The following ATP6V1H variants were observed in gnomAD, a reference collection of about 807,000 sequenced individuals.
The protein encoded by ATP6V1H is V-type proton ATPase subunit H.
Under a neutral mutation model 71.7 loss-of-function variants are expected in ATP6V1H, and 39 were observed. That is an observed-to-expected ratio of 0.54 (90% CI 0.42 to 0.71). ATP6V1H has a LOEUF of 0.71. Ranked by LOEUF, ATP6V1H falls within the 30% of genes least tolerant of loss-of-function variation. The pLI is 0.00. For missense variants in ATP6V1H, 509 were observed against 594.9 expected, an observed-to-expected ratio of 0.86 and a Z score of 1.50; for synonymous variants, 192 against 199.3, an observed-to-expected ratio of 0.96 and a Z score of 0.31.
chr8:53,810,728 A>T (rs954629755), intron 7 of ATP6V1H, among the ~76,000 whole-genome samples: 3 of 152,222 alleles, frequency 2.0e-5, no homozygotes, highest in African/African-American at 7.2e-5. Flanking sequence ...GGATAGAGCT[A>T]GACTGTGTCT....
intron 13 of ATP6V1H, among the ~76,000 whole-genome samples, chr8:53,722,921 G>GT (rs1806675963): frequency 6.6e-6 from 1 of 152,212 alleles, no homozygotes; most frequent in Non-Finnish European, 1.5e-5. Flanking sequence ...TAGAAGACTA[G>GT]TTCAATGTTT....
chr8:53,729,196 GT>G (rs113477767), intron 13 of ATP6V1H, among the ~76,000 whole-genome samples: 2 of 150,928 alleles, frequency 1.3e-5, no homozygotes, highest in Non-Finnish European at 3.0e-5. Context: ...AGTTTTTGTT[GT>G]TTTTTTTTAA....
chr8:53,789,945 T>C (rs1236737283), intron 9 of ATP6V1H, among the ~76,000 whole-genome samples: 1 of 152,166 alleles, frequency 6.6e-6, no homozygotes. Flanking sequence ...AATTCATCTT[T>C]CTAGGATAAT....
intron 8 of ATP6V1H, among the ~76,000 whole-genome samples, chr8:53,800,814 T>C (rs961672836): frequency 2.6e-5 from 4 of 152,234 alleles, no homozygotes; most frequent in Non-Finnish European, 5.9e-5. Flanking sequence ...ACTCTCTTTA[T>C]TCTTAGTTCC....
intron 9 of ATP6V1H, among the ~76,000 whole-genome samples, chr8:53,774,397 A>C (rs1447222860): frequency 6.6e-6 from 1 of 152,238 alleles, no homozygotes; most frequent in Non-Finnish European, 1.5e-5. Context: ...GAGAGAGGAC[A>C]GTTCAGTTTG....
chr8:53,737,073 C>G (rs1206171916), intron 13 of ATP6V1H, among the ~76,000 whole-genome samples: 1 of 152,224 alleles, frequency 6.6e-6, no homozygotes, highest in African/African-American at 2.4e-5. Context: ...TCACATGGAC[C>G]CCCTTAGAGC....
intron 8 of ATP6V1H, among the ~76,000 whole-genome samples, chr8:53,799,728 G>A (rs1809849334): frequency 6.6e-6 from 1 of 152,112 alleles, no homozygotes; most frequent in Non-Finnish European, 1.5e-5. Context: ...GCCTTTGGGA[G>A]GTGATTAGGT....
intron 5 of ATP6V1H, among the ~76,000 whole-genome samples, chr8:53,816,691 G>A (rs1810462622): frequency 6.6e-6 from 1 of 152,068 alleles, no homozygotes; most frequent in South Asian, 2.1e-4. Context: ...AGCTACTCAG[G>A]AGGCTGAGGC....
chr8:53,838,103 G>A (rs1276315610), intron 2 of ATP6V1H, among the ~76,000 whole-genome samples: 1 of 149,762 alleles, frequency 6.7e-6, no homozygotes, highest in Non-Finnish European at 1.5e-5. Context: ...GGTGTTCCTC[G>A]GCCTGGACAA....
In ATP6V1H at chr8:53,775,034, T is replaced by TA. The variant is rs567610838; in HGVS notation, c.871-2868dup. On this transcript the variant is annotated intron_variant, in intron 9 of 13. Transcript: ENST00000359530. ...ATGAAGCCGCGGACCCTCGCGGTGTTACAGTTCTTGAAGGCGGCGTGTCCG... is the reference window on the plus strand; with the variant it reads ...ATGAAGCCGCGGACCCTCGCGGTGTTAACAGTTCTTGAAGGCGGCGTGTCCG... Among the ~76,000 whole-genome samples, 338 of 152,352 alleles carry TA rather than the reference T, an allele frequency of 2.2e-3. 2 individuals carry two copies. The highest frequency in any genetic ancestry group is 7.9e-3 in the African/African-American group (327 of 41,592).
At chr8:53,805,338 A>G (rs1290683482) in intron 7 of ATP6V1H, among the ~76,000 whole-genome samples, 5 of 152,228 alleles carry the variant, frequency 3.3e-5, no homozygotes, top group African/African-American at 9.6e-5. Context: ...ATTGACTAAA[A>G]TAAGTCCCAG....
At chr8:53,768,617 G>A (rs1340834960) in intron 11 of ATP6V1H, among the ~76,000 whole-genome samples, 1 of 152,108 alleles carries the variant, frequency 6.6e-6, no homozygotes, top group African/African-American at 2.4e-5. Context: ...AAGGAATGAA[G>A]TAGTGATAAA....
At chr8:53,756,860 T>C (rs1808085841) in intron 11 of ATP6V1H, among the ~76,000 whole-genome samples, 1 of 152,364 alleles carries the variant, frequency 6.6e-6, no homozygotes, top group Admixed American at 6.5e-5. Flanking sequence ...ATTCACAATG[T>C]ACACCATGCA....
intron 2 of ATP6V1H, 56 bp downstream of exon 2, chr8:53,841,522 A>G: frequency 6.4e-7 from 1 of 1,565,416 alleles, no homozygotes; most frequent in African/African-American, 1.4e-5. Flanking sequence ...TGACCATGAA[A>G]AAGTCTGATG....
intron 13 of ATP6V1H, among the ~76,000 whole-genome samples, chr8:53,717,152 G>A (rs1311701154): frequency 6.6e-6 from 1 of 152,198 alleles, no homozygotes; most frequent in Non-Finnish European, 1.5e-5. Flanking sequence ...AGGTAAATAT[G>A]ACTCCGCCTC....
chr8:53,835,818 A>G (rs976856278), intron 2 of ATP6V1H, among the ~76,000 whole-genome samples: 1 of 151,988 alleles, frequency 6.6e-6, no homozygotes, highest in South Asian at 2.1e-4. Flanking sequence ...TAGCTTCCAG[A>G]TTCTTCTCAT....
chr8:53,781,028 T>C (rs2130360831), intron 9 of ATP6V1H, among the ~76,000 whole-genome samples: 1 of 152,370 alleles, frequency 6.6e-6, no homozygotes, highest in East Asian at 1.9e-4. Flanking sequence ...TATAGCAGCA[T>C]GATTTATAAT....
intron 9 of ATP6V1H, among the ~76,000 whole-genome samples, chr8:53,773,943 T>C (rs1403428883): frequency 3.3e-5 from 5 of 152,024 alleles, no homozygotes; most frequent in Non-Finnish European, 5.9e-5. Context: ...GTAAGTGAAC[T>C]TGAAAATAGG....
intron 7 of ATP6V1H, among the ~76,000 whole-genome samples, chr8:53,810,323 C>A (rs1027569489): frequency 6.6e-6 from 1 of 152,186 alleles, no homozygotes; most frequent in Non-Finnish European, 1.5e-5. Context: ...TAGAGCACAG[C>A]AAAGTTCAGC....
Sources: gnomAD v4.1 joint callset for allele counts (sites outside exome capture counted in the v4.1 genomes callset) on GRCh38, gnomAD v4.1.1 for gene constraint, MANE v1.5 for transcripts, NCBI Gene and HGNC (gene_info 2026-07-23, HGNC 2026-07-21) for gene names.